PRICKLE1: variants seen among roughly 807,000 people sequenced by gnomAD.
PRICKLE1 encodes the protein prickle-like protein 1.
Under a neutral mutation model 70.2 loss-of-function variants are expected in PRICKLE1, and 14 were observed. That is an observed-to-expected ratio of 0.20 (90% CI 0.13 to 0.31). The LOEUF is 0.31. PRICKLE1 is among the 10% of genes least tolerant of loss of function. The pLI, the probability that PRICKLE1 is intolerant of heterozygous loss-of-function variation, is 1.00. For synonymous variants in PRICKLE1, 357 were observed against 379.9 expected, an observed-to-expected ratio of 0.94 and a Z score of 0.70; for missense variants, 821 against 1,026.2, an observed-to-expected ratio of 0.80 and a Z score of 2.73.
chr12:42,464,493 G>A lies in PRICKLE1; in HGVS notation c.1541C>T (p.Thr514Ile), dbSNP rs374333566. 4.3e-6 allele frequency: 7 copies of A among 1,613,834 alleles called. No individual in the cohort carries two copies. In the African/African-American group the frequency reaches 8.0e-5, roughly 18 times the overall value. ...CTCCAGGGAATCTTCATACCACTGT[G>A]TTTCATCATGATTATACCCTGAAGC... is the stretch of plus-strand genomic sequence containing the variant. Reference protein sequence around the residue: ...HGASGYNHDETQWYEDSLECL... With the variant: ...HGASGYNHDEIQWYEDSLECL... The change falls in exon 7 of 8, where the codon ACA becomes ATA. Residue 514 changes from threonine (T) to isoleucine (I), a missense_variant. Physicochemically the swap from Thr to Ile is moderately conservative, Grantham distance 89. Coordinates refer to ENST00000345127, the MANE Select transcript of PRICKLE1 (RefSeq NM_153026.3). The surrounding 1 kb of genome is among the most constrained non-coding windows in gnomAD (Gnocchi z 4.2).
At chr12:42,506,669 G>A (rs925071025) in intron 1 of PRICKLE1, among the ~76,000 whole-genome samples, 12 of 138,364 alleles carry the variant, frequency 8.7e-5, no homozygotes, top group Admixed American at 6.6e-4. Context: ...TCTGCCTCCC[G>A]GGTTCAAGCA....
chr12:42,586,465 G>A (rs1367218849), intron 1 of PRICKLE1, among the ~76,000 whole-genome samples: 3 of 151,458 alleles, frequency 2.0e-5, no homozygotes, highest in Admixed American at 6.6e-5. Context: ...GGGCTCAAGC[G>A]ATCCTCCCCA....
chr12:42,512,490 T>TA (rs1416851415), intron 1 of PRICKLE1, among the ~76,000 whole-genome samples: 1 of 152,188 alleles, frequency 6.6e-6, no homozygotes, highest in African/African-American at 2.4e-5. Flanking sequence ...ATTGTGTTTT[T>TA]ATCAAGTAAT....
chr12:42,477,476 GTGTGTGTATATATA>G (rs1347609122), intron 1 of PRICKLE1, among the ~76,000 whole-genome samples: 1 of 30,170 alleles, frequency 3.3e-5, no homozygotes, highest in African/African-American at 8.3e-5. Context: ...GTGTGTGTGT[GTGTGTGTATATATA>G]TATATATATA....
chr12:42,557,476 G>T (rs913678967), intron 1 of PRICKLE1, among the ~76,000 whole-genome samples: 28 of 152,264 alleles, frequency 1.8e-4, no homozygotes, highest in East Asian at 3.9e-4. Flanking sequence ...TCTCTAGTTT[G>T]CATCGTCCCT....
intron 1 of PRICKLE1, among the ~76,000 whole-genome samples, chr12:42,474,339 T>A (rs898130759): frequency 6.6e-6 from 1 of 152,200 alleles, no homozygotes; most frequent in African/African-American, 2.4e-5. Flanking sequence ...GATAGGACAT[T>A]GAGAAAATTA....
At chr12:42,578,152 A>G (rs1555241784) in intron 1 of PRICKLE1, among the ~76,000 whole-genome samples, 1 of 152,226 alleles carries the variant, frequency 6.6e-6, no homozygotes, top group Non-Finnish European at 1.5e-5. Context: ...AGTTGGCTCA[A>G]CTTCTTAATA....
At position 42,460,460 on chromosome 12, in the gene PRICKLE1, A is replaced by T. The variant is rs767033548; in HGVS notation, c.1845T>A (p.His615Gln). 4 of 1,613,854 alleles carry T rather than the reference A, an allele frequency of 2.5e-6. No homozygotes were observed. The highest frequency in any genetic ancestry group is 8.5e-7 in the Non-Finnish European group (1 of 1,179,866). The change falls in exon 8 of 8, where the codon CAT becomes CAA. Residue 615 changes from histidine (H) to glutamine (Q), a missense_variant. Transcript: ENST00000345127. ...EKILPEEKPV[H>Q]LPVLRRSKSQ... is the part of the protein sequence containing the mutation. ...ACTTGGACCTTCTGAGCACTGGCAG[A>T]TGTACTGGCTTCTCTTCAGGCAGGA...
intron 1 of PRICKLE1, among the ~76,000 whole-genome samples, chr12:42,552,174 C>G (rs1940329960): frequency 6.6e-6 from 1 of 151,692 alleles, no homozygotes; most frequent in Admixed American, 6.6e-5. Context: ...TCAAGTGAAC[C>G]TCCCACCTCA....
At chr12:42,482,652 A>AG (rs1258168971) in intron 1 of PRICKLE1, 2 of 152,254 alleles carry the variant, frequency 1.3e-5, no homozygotes, top group Non-Finnish European at 2.9e-5. Flanking sequence ...AAAGTGTTTG[A>AG]GAAGTCACAA....
At chr12:42,577,588 G>A (rs897044647) in intron 1 of PRICKLE1, among the ~76,000 whole-genome samples, 1 of 152,128 alleles carries the variant, frequency 6.6e-6, no homozygotes, top group Non-Finnish European at 1.5e-5. Flanking sequence ...CTATCCCCCT[G>A]AAGTTATGGC....
At chr12:42,484,542 T>A (rs1007134368) in intron 1 of PRICKLE1, 1 of 152,174 alleles carries the variant, frequency 6.6e-6, no homozygotes, top group Non-Finnish European at 1.5e-5. Context: ...CATTTCGGAG[T>A]GATTCCTACT....
At chr12:42,487,412 T>C (rs931260777) in intron 1 of PRICKLE1, among the ~76,000 whole-genome samples, 1 of 152,208 alleles carries the variant, frequency 6.6e-6, no homozygotes, top group African/African-American at 2.4e-5. Context: ...CTTTCCCCTT[T>C]GATTATATTT....
At chr12:42,502,480 G>T (rs1195953303) in intron 1 of PRICKLE1, among the ~76,000 whole-genome samples, 1 of 151,476 alleles carries the variant, frequency 6.6e-6, no homozygotes, top group Non-Finnish European at 1.5e-5. Context: ...GCTAATTTTT[G>T]TATTTTTTTT....
At chr12:42,520,132 T>C (rs1939684283) in intron 1 of PRICKLE1, among the ~76,000 whole-genome samples, 1 of 152,108 alleles carries the variant, frequency 6.6e-6, no homozygotes, top group Admixed American at 6.6e-5. Flanking sequence ...CTTTTTCTGG[T>C]AAAAAGCACC....
chr12:42,584,183 C>A (rs1196517838), intron 1 of PRICKLE1, among the ~76,000 whole-genome samples: 2 of 152,076 alleles, frequency 1.3e-5, no homozygotes, highest in African/African-American at 4.8e-5. Context: ...TTATTGAGAT[C>A]TCTCTACCTT....
intron 1 of PRICKLE1, among the ~76,000 whole-genome samples, chr12:42,582,116 G>T (rs879463260): frequency 6.6e-6 from 1 of 152,168 alleles, no homozygotes; most frequent in Non-Finnish European, 1.5e-5. Flanking sequence ...ACACGTTTTT[G>T]GCTATTAGCC....
chr12:42,461,772 C>G (rs185419887), intron 7 of PRICKLE1, among the ~76,000 whole-genome samples: 34 of 152,340 alleles, frequency 2.2e-4, no homozygotes, highest in Non-Finnish European at 4.7e-4. Flanking sequence ...CAAAGTGATA[C>G]TGTTGTCAAC....
intron 1 of PRICKLE1, among the ~76,000 whole-genome samples, chr12:42,563,292 G>A (rs1940551438): frequency 2.0e-5 from 3 of 152,122 alleles, no homozygotes; most frequent in Non-Finnish European, 1.5e-5. Context: ...CCAGCAGGAC[G>A]AGAAAGAAGA....
Sources: gnomAD v4.1 joint callset for allele counts (sites outside exome capture counted in the v4.1 genomes callset) on GRCh38, gnomAD v4.1.1 for gene constraint, Gnocchi (gnomAD v3.1) non-coding constraint, MANE v1.5 for transcripts, NCBI Gene and HGNC (gene_info 2026-07-23, HGNC 2026-07-21) for gene names.